CD109: variants seen among roughly 807,000 people sequenced by gnomAD.
The protein encoded by CD109 is CD109 molecule, also known as CD109 antigen.
In CD109, 149 loss-of-function variants were observed where a neutral mutation model predicts 165.8. The observed-to-expected ratio is 0.90, with a 90% confidence interval of 0.79 to 1.03. The LOEUF (loss-of-function observed/expected upper bound fraction) is 1.03, where lower values mean the gene tolerates loss of function less well. Ranked by LOEUF, CD109 falls within the 50% of genes least tolerant of loss-of-function variation. The pLI is 0.00. For synonymous variants in CD109, 585 were observed against 592.1 expected (o/e 0.99, Z 0.18); for missense variants, 1,712 against 1,677.8 (o/e 1.02, Z -0.36).
chr6:73,776,206 G>A (rs931161108), intron 15 of CD109, among the ~76,000 whole-genome samples: 1 of 151,998 alleles, frequency 6.6e-6, no homozygotes, highest in Non-Finnish European at 1.5e-5. Flanking sequence ...TTAAATGATA[G>A]CTATCCATTC....
At chr6:73,760,507 A>C (rs553534716) in intron 7 of CD109, among the ~76,000 whole-genome samples, 2 of 151,776 alleles carry the variant, frequency 1.3e-5, no homozygotes, top group Non-Finnish European at 2.9e-5. Flanking sequence ...GAGAGGATAA[A>C]ATTAATACAT....
At chr6:73,748,188 C>T (rs181299798) in intron 5 of CD109, among the ~76,000 whole-genome samples, 1 of 152,184 alleles carries the variant, frequency 6.6e-6, no homozygotes, top group Non-Finnish European at 1.5e-5. Flanking sequence ...GTCCAAGCCA[C>T]TATTATATTG....
chr6:73,733,936 A>G (rs1457443674), intron 4 of CD109, among the ~76,000 whole-genome samples: 10 of 152,086 alleles, frequency 6.6e-5, no homozygotes, highest in Admixed American at 6.5e-4. Context: ...TCAGAGATCC[A>G]GAGCGATCTA....
At chr6:73,741,975 A>G (rs1582088887) in intron 5 of CD109, among the ~76,000 whole-genome samples, 1 of 152,120 alleles carries the variant, frequency 6.6e-6, no homozygotes, top group Non-Finnish European at 1.5e-5. Flanking sequence ...CTGGCCTGCA[A>G]ATGGTTTTTC....
In CD109 at chr6:73,739,137, C is replaced by A. The variant is rs113868081; in HGVS notation, c.633+2629C>A. ...TATATAGCAATAATTTGTCTTGAACCAAATGCAATTTTCCCTTTTGTATAT... is the reference window on the plus strand; with the variant it reads ...TATATAGCAATAATTTGTCTTGAACAAAATGCAATTTTCCCTTTTGTATAT... On this transcript the variant is annotated intron_variant, in intron 5 of 32. Coordinates refer to ENST00000287097, the MANE Select transcript of CD109 (RefSeq NM_133493.5). Among the ~76,000 whole-genome samples the A allele has an allele frequency of 3.8e-4, 58 of 152,250 alleles. 5 individuals carry two copies. Among genetic ancestry groups the A allele is most frequent in the African/African-American group, 1.4e-3 (58 of 41,544 alleles).
rs143492616 is a variant in CD109 at position 73,705,288 on chromosome 6, G to T, written c.247+7716G>T. 1.2e-4 allele frequency among the ~76,000 whole-genome samples: 18 copies of T among 152,292 alleles called. No homozygotes were observed. In the East Asian group the frequency reaches 3.5e-3, roughly 29 times the overall value. On this transcript the variant is annotated intron_variant, in intron 2 of 32. Coordinates refer to ENST00000287097, the MANE Select transcript of CD109 (RefSeq NM_133493.5). Reference sequence around the variant, plus strand: ...ATACATAAGATGCACAAGAGAGACAGAGCTCATGGAAAGAACAAGTCTTTT... The same window carrying T: ...ATACATAAGATGCACAAGAGAGACATAGCTCATGGAAAGAACAAGTCTTTT...
At chr6:73,699,159 C>A (rs1225813534) in intron 2 of CD109, among the ~76,000 whole-genome samples, 2 of 152,104 alleles carry the variant, frequency 1.3e-5, no homozygotes, top group Admixed American at 6.5e-5. Context: ...TATTAAATCA[C>A]AGGACATAAT....
At chr6:73,785,969 G>A (rs1194092317) in intron 20 of CD109, among the ~76,000 whole-genome samples, 1 of 151,410 alleles carries the variant, frequency 6.6e-6, no homozygotes, top group Non-Finnish European at 1.5e-5. Flanking sequence ...CTCAGCCTCC[G>A]AGTAGCTGGG....
At chr6:73,694,571 TTC>T (rs1408838028), upstream of CD109, 5 of 152,242 alleles carry the variant, frequency 3.3e-5, no homozygotes, top group Non-Finnish European at 7.3e-5. Flanking sequence ...GAGAAGAATT[TTC>T]TGTGTTCTTA....
intron 15 of CD109, 52 bp from the exon 16 acceptor site, chr6:73,780,372 G>A (rs1487861563): frequency 3.8e-6 from 4 of 1,064,986 alleles, no homozygotes; most frequent in Admixed American, 3.5e-5. Context: ...TGGAAGAAGT[G>A]TGGAAAGTTG....
At chr6:73,742,385 C>A (rs1454131196) in intron 5 of CD109, among the ~76,000 whole-genome samples, 3 of 152,212 alleles carry the variant, frequency 2.0e-5, no homozygotes, top group East Asian at 3.9e-4. Context: ...TGTGAATATA[C>A]CACATTTGGT....
chr6:73,781,802 T>C (rs1437697606), intron 17 of CD109, among the ~76,000 whole-genome samples: 13 of 73,030 alleles, frequency 1.8e-4, no homozygotes, highest in African/African-American at 3.0e-4. Context: ...CACAGAGACA[T>C]AGACACACAC....
At chr6:73,812,931 C>T (rs1775803488) in intron 29 of CD109, among the ~76,000 whole-genome samples, 1 of 151,908 alleles carries the variant, frequency 6.6e-6, no homozygotes, top group South Asian at 2.1e-4. Flanking sequence ...AACGACCAAA[C>T]AAAAACACTG....
At chr6:73,809,895 A>G (rs1412865184) in intron 26 of CD109, 89 bp from the exon 27 acceptor site, 2 of 963,792 alleles carry the variant, frequency 2.1e-6, no homozygotes, top group Non-Finnish European at 3.0e-6. Flanking sequence ...CTAGTTAAGT[A>G]CAACTTGGAC....
rs373931081 is a variant in CD109 at position 73,792,650 on chromosome 6, A to G, written c.2726A>G (p.Asn909Ser). The G allele has an allele frequency of 5.6e-6, 9 of 1,613,146 alleles. No homozygotes were observed. The highest frequency in any genetic ancestry group is 5.5e-5 in the South Asian group (5 of 90,936). Residue 909 changes from asparagine to serine, a missense_variant, in exon 23 of 33, where the codon AAT (asparagine) becomes AGT (serine). Coordinates refer to ENST00000287097, the MANE Select transcript of CD109 (RefSeq NM_133493.5). The part of the protein sequence containing the change: ...AIGDVLGPSI[N>S]GLASLIRMPY... ...GGAGATGTTCTTGGTCCTTCCATCAATGGCTTAGCCTCATTGATTCGGATG... is the reference window on the plus strand; with the variant it reads ...GGAGATGTTCTTGGTCCTTCCATCAGTGGCTTAGCCTCATTGATTCGGATG...
chr6:73,744,062 A>C (rs1772888764), intron 5 of CD109, among the ~76,000 whole-genome samples: 2 of 152,238 alleles, frequency 1.3e-5, no homozygotes, highest in African/African-American at 4.8e-5. Flanking sequence ...TATATATGTA[A>C]AATTTACCAT....
At chr6:73,774,473 C>T (rs1473882602) in intron 15 of CD109, among the ~76,000 whole-genome samples, 1 of 152,168 alleles carries the variant, frequency 6.6e-6, no homozygotes, top group East Asian at 1.9e-4. Flanking sequence ...GGTTATGATT[C>T]ACCAGCCCTG....
intron 1 of CD109, 146 bp from the exon 2 acceptor site, chr6:73,697,254 C>T (rs9442947): frequency 0.047 from 29,872 of 632,298 alleles, 818 homozygotes; most frequent in East Asian, 0.078. Flanking sequence ...ATTCAGTTGC[C>T]AAATAGAGCA....
intron 4 of CD109, 87 bp from the exon 5 acceptor site, chr6:73,736,296 A>T (rs754617858): frequency 7.1e-6 from 10 of 1,410,246 alleles, no homozygotes; most frequent in Non-Finnish European, 9.6e-6. Context: ...CTGGGTGGGA[A>T]TGCTGCAAGG....
Sources: allele counts gnomAD v4.1 joint callset (sites outside exome capture counted in the v4.1 genomes callset), GRCh38; gene constraint gnomAD v4.1.1; transcripts MANE v1.5; gene names NCBI Gene and HGNC (gene_info 2026-07-23, HGNC 2026-07-21).